Variants in TRIM5 observed in about 807,000 individuals in gnomAD.
The protein encoded by TRIM5 is tripartite motif containing 5, also known as tripartite motif-containing protein 5.
Under a neutral mutation model 35.6 loss-of-function variants are expected in TRIM5, and 31 were observed. The observed-to-expected ratio is 0.87, with a 90% confidence interval of 0.65 to 1.18. The LOEUF (loss-of-function observed/expected upper bound fraction) is 1.18, where lower values mean the gene tolerates loss of function less well. Ranked by LOEUF, TRIM5 falls within the 50% of genes most tolerant of loss-of-function variation. TRIM5 has a pLI of 0.00. For missense variants in TRIM5, 609 were observed against 591.6 expected (o/e 1.03, Z -0.31); for synonymous variants, 243 against 215.6 (o/e 1.13, Z -1.11).
the TRIM5 span, among the ~76,000 whole-genome samples, chr11:5,614,541 G>C: frequency 6.6e-6 from 1 of 152,176 alleles, no homozygotes. Context: ...CTCAGATTTT[G>C]GTGGAAACTG....
Position 5,663,330 on chromosome 11 carries a change from T to C in TRIM5, c.*1479A>G, listed in dbSNP as rs1032162220. ...TCAGTTTGTTTGATAAAGACTAATA[T>C]GTAGCAACACTAGAATTACAATAAA... On this transcript the variant is annotated 3_prime_UTR_variant, in exon 8 of 8. Coordinates refer to ENST00000380034, the MANE Select transcript of TRIM5 (RefSeq NM_033034.3). 1.1e-6 allele frequency: 1 copy of C among 944,754 alleles called. No individual in the cohort carries two copies. Among genetic ancestry groups the C allele is most frequent in the South Asian group, 4.9e-5 (1 of 20,376 alleles). 58.5% of individuals were successfully genotyped at this position (944,754 alleles called of 1,614,324 possible).
the TRIM5 span, chr11:5,634,530 C>CATATATATATATAT: frequency 4.9e-6 from 1 of 203,884 alleles, no homozygotes; most frequent in African/African-American, 3.4e-5. Context: ...CACACACACA[C>CATATATATATATAT]ATATATATAT....
chr11:5,623,312 G>A, the TRIM5 span, among the ~76,000 whole-genome samples: 5 of 151,750 alleles, frequency 3.3e-5, no homozygotes, highest in Non-Finnish European at 2.9e-5. Flanking sequence ...TATTAGGTTG[G>A]TACAAAAGTA....
the TRIM5 span, chr11:5,655,672 G>A: frequency 1.8e-4 from 176 of 985,324 alleles, no homozygotes; most frequent in Non-Finnish European, 2.0e-4. Flanking sequence ...AGGCTTCATC[G>A]GTTTTTAGTG....
At chr11:5,610,725 A>G in the TRIM5 span, 17 of 1,593,210 alleles carry the variant, frequency 1.1e-5, no homozygotes, top group Non-Finnish European at 1.5e-5. Context: ...TCTCAGCATA[A>G]CGAGACCCAT....
At chr11:5,643,126 T>TAGA in the TRIM5 span, 6 of 1,115,524 alleles carry the variant, frequency 5.4e-6, 1 homozygote, top group African/African-American at 1.8e-5. Context: ...TATATATATA[T>TAGA]TTTTTTTTTT....
the TRIM5 span, among the ~76,000 whole-genome samples, chr11:5,605,908 G>A: frequency 1.3e-5 from 2 of 152,098 alleles, no homozygotes; most frequent in African/African-American, 4.8e-5. Context: ...TTGCTGCGTG[G>A]GGTTCTCCTG....
chr11:5,625,191 G>C, the TRIM5 span: 1 of 152,218 alleles, frequency 6.6e-6, no homozygotes, highest in Non-Finnish European at 1.5e-5. Context: ...TAGCTTGCAG[G>C]CTTCCTGCTT....
At chr11:5,677,308 C>T (rs370975654) in intron 4 of TRIM5, among the ~76,000 whole-genome samples, 5,572 of 152,192 alleles carry the variant, frequency 0.037, 236 homozygotes, top group African/African-American at 0.11. Flanking sequence ...TGAACAGACA[C>T]TTCTCAAAAG....
At chr11:5,657,610 A>T in the TRIM5 span, among the ~76,000 whole-genome samples, 2 of 105,160 alleles carry the variant, frequency 1.9e-5, no homozygotes, top group Non-Finnish European at 3.7e-5. Flanking sequence ...ATATATATTT[A>T]TATATTATAT....
chr11:5,600,651 A>G, the TRIM5 span, among the ~76,000 whole-genome samples: 3 of 151,754 alleles, frequency 2.0e-5, no homozygotes, highest in African/African-American at 7.3e-5. Context: ...GATGGGGGTA[A>G]ATTGGTACAA....
the TRIM5 span, chr11:5,625,078 T>TG: frequency 6.6e-6 from 1 of 152,264 alleles, no homozygotes; most frequent in Non-Finnish European, 1.5e-5. Context: ...GGGAGGTTTG[T>TG]GGGGGGTAGA....
chr11:5,620,466 G>A, the TRIM5 span, among the ~76,000 whole-genome samples: 1 of 152,028 alleles, frequency 6.6e-6, no homozygotes, highest in Non-Finnish European at 1.5e-5. Flanking sequence ...CTCCTATAGT[G>A]CTGGGATTAC....
At chr11:5,675,818 A>G (rs1275743788) in intron 4 of TRIM5, among the ~76,000 whole-genome samples, 7 of 129,754 alleles carry the variant, frequency 5.4e-5, no homozygotes, top group African/African-American at 8.5e-5. Context: ...GTCATCTAGC[A>G]TTAGGTATAT....
chr11:5,628,710 TAA>T, the TRIM5 span, among the ~76,000 whole-genome samples: 1 of 152,290 alleles, frequency 6.6e-6, no homozygotes, highest in South Asian at 2.1e-4. Context: ...AGCACTGTTG[TAA>T]CCAATTATCA....
At chr11:5,591,554 A>G in the TRIM5 span, among the ~76,000 whole-genome samples, 4 of 152,188 alleles carry the variant, frequency 2.6e-5, no homozygotes, top group African/African-American at 9.6e-5. Flanking sequence ...AGGCTGAGGC[A>G]GGAGAATCGC....
chr11:5,672,938 G>A (rs1252342181), intron 4 of TRIM5, among the ~76,000 whole-genome samples: 1 of 151,972 alleles, frequency 6.6e-6, no homozygotes, highest in African/African-American at 2.4e-5. Flanking sequence ...AGCTGAAAAA[G>A]AGAAAAACTA....
the TRIM5 span, among the ~76,000 whole-genome samples, chr11:5,642,223 G>C: frequency 6.6e-6 from 1 of 152,144 alleles, no homozygotes; most frequent in Non-Finnish European, 1.5e-5. Flanking sequence ...GAGGATAAGA[G>C]GGAAAGTAGA....
chr11:5,596,989 G>T, the TRIM5 span: 10 of 1,605,900 alleles, frequency 6.2e-6, no homozygotes, highest in Non-Finnish European at 6.0e-6. Flanking sequence ...AAGAGATAAG[G>T]TCCTTTCCCT....
Sources: allele counts gnomAD v4.1 joint callset (sites outside exome capture counted in the v4.1 genomes callset), GRCh38; gene constraint gnomAD v4.1.1; transcripts MANE v1.5; gene names NCBI Gene and HGNC (gene_info 2026-07-23, HGNC 2026-07-21).